Variants in FMN2 observed in about 807,000 individuals in gnomAD.
FMN2 encodes formin-2.
A neutral mutation model predicts 142.3 loss-of-function variants in FMN2; 51 were observed. The ratio of observed to expected loss-of-function variants is 0.36; its 90% CI spans 0.29 to 0.45. The LOEUF (loss-of-function observed/expected upper bound fraction) is 0.45. Ranked by LOEUF, FMN2 falls within the 20% of genes least tolerant of loss-of-function variation. FMN2 has a pLI of 1.00. For synonymous variants in FMN2, 882 were observed against 869.8 expected, an observed-to-expected ratio of 1.01 and a Z score of -0.25; for missense variants, 1,936 against 2,122.8, an observed-to-expected ratio of 0.91 and a Z score of 1.73.
At chr1:240,144,195 C>T (rs1663330367) in intron 2 of FMN2, 8 of 1,498,478 alleles carry the variant, frequency 5.3e-6, no homozygotes, top group African/African-American at 1.4e-5. Flanking sequence ...CCATTTGTTG[C>T]CATCATCGTT....
intron 4 of FMN2, among the ~76,000 whole-genome samples, chr1:240,191,403 T>C (rs1056997855): frequency 6.6e-6 from 1 of 152,248 alleles, no homozygotes; most frequent in Non-Finnish European, 1.5e-5. Context: ...AAGAACGGAC[T>C]GTAGCTACTC....
At chr1:240,250,200 C>A (rs559873683) in intron 6 of FMN2, among the ~76,000 whole-genome samples, 1 of 152,024 alleles carries the variant, frequency 6.6e-6, no homozygotes, top group Non-Finnish European at 1.5e-5. Context: ...CATCTTTTCC[C>A]CATTCAGTAT....
chr1:240,130,063 A>G (rs1299324535), intron 2 of FMN2, among the ~76,000 whole-genome samples: 2 of 152,114 alleles, frequency 1.3e-5, no homozygotes, highest in African/African-American at 4.8e-5. Flanking sequence ...GCCTTCATTT[A>G]GTCTGAGCCC....
At chr1:240,154,125 A>AG (rs1663910319) in intron 2 of FMN2, among the ~76,000 whole-genome samples, 1 of 149,148 alleles carries the variant, frequency 6.7e-6, no homozygotes. Flanking sequence ...AAAAAAAAAA[A>AG]AAAAAAGTGT....
chr1:240,457,236 T>C (rs1169113667), intron 16 of FMN2, among the ~76,000 whole-genome samples: 1 of 152,210 alleles, frequency 6.6e-6, no homozygotes, highest in Non-Finnish European at 1.5e-5. Context: ...CTCTAAGGAA[T>C]GGATATCCTG....
At chr1:240,406,013 G>T (rs1161005707) in intron 15 of FMN2, among the ~76,000 whole-genome samples, 4 of 147,448 alleles carry the variant, frequency 2.7e-5, no homozygotes, top group Non-Finnish European at 3.0e-5. Context: ...CCTCAGGAGT[G>T]GGGGAAGCGA....
rs533107747 is a variant in FMN2 at position 240,445,100 on chromosome 1, A to G, written c.5060+6890A>G. Among the ~76,000 whole-genome samples the G allele has an allele frequency of 6.1e-4, 93 of 152,340 alleles. 2 individuals carry two copies. In the South Asian group the frequency reaches 0.017, roughly 27 times the overall value. Reference sequence around the variant, plus strand: ...CAAAGGTTTGGCAGAAGAGTCGACAAACAGGACAGTCAAAATAGTGGCCAA... The same window carrying G: ...CAAAGGTTTGGCAGAAGAGTCGACAGACAGGACAGTCAAAATAGTGGCCAA... On this transcript the variant is annotated intron_variant, in intron 16 of 17. Coordinates refer to ENST00000319653, the MANE Select transcript of FMN2 (RefSeq NM_020066.5).
intron 14 of FMN2, among the ~76,000 whole-genome samples, chr1:240,389,717 C>G (rs796812396): frequency 2.6e-5 from 4 of 152,138 alleles, no homozygotes; most frequent in Non-Finnish European, 4.4e-5. Context: ...TTTGAGAGAC[C>G]GAGACGGAAG....
At chr1:240,214,458 G>A (rs1186445566) in intron 6 of FMN2, among the ~76,000 whole-genome samples, 4 of 151,454 alleles carry the variant, frequency 2.6e-5, no homozygotes, top group African/African-American at 9.7e-5. Context: ...GGCTGAGGCA[G>A]GAGAATGGCG....
chr1:240,102,411 A>G (rs1426564300), intron 1 of FMN2, among the ~76,000 whole-genome samples: 1 of 152,188 alleles, frequency 6.6e-6, no homozygotes, highest in African/African-American at 2.4e-5. Flanking sequence ...TAATAAAAGA[A>G]ATGAGGTAAC....
chr1:240,200,839 A>C (rs972399587), intron 4 of FMN2, among the ~76,000 whole-genome samples: 21 of 152,110 alleles, frequency 1.4e-4, no homozygotes, highest in Admixed American at 7.9e-4. Context: ...CTGTACAAAA[A>C]AGTTCTGTTT....
chr1:240,336,581 A>AG (rs1671566992), intron 13 of FMN2, among the ~76,000 whole-genome samples: 3 of 137,136 alleles, frequency 2.2e-5, no homozygotes, highest in Admixed American at 7.1e-5. Context: ...AAAAAAAAAA[A>AG]AGGTGGTTGC....
intron 6 of FMN2, among the ~76,000 whole-genome samples, chr1:240,248,883 T>G (rs1398422296): frequency 6.6e-6 from 1 of 152,110 alleles, no homozygotes; most frequent in East Asian, 1.9e-4. Flanking sequence ...AAATGTCTAC[T>G]CATATCCTCC....
chr1:240,140,431 T>G (rs59665699), intron 2 of FMN2, among the ~76,000 whole-genome samples: 2,047 of 152,268 alleles, frequency 0.013, 49 homozygotes, highest in African/African-American at 0.047. Flanking sequence ...ACACAAAACC[T>G]TCAACTGCAT....
chr1:240,437,919 T>A (rs1675456787), intron 15 of FMN2, 142 bp from the exon 16 acceptor site: 9 of 980,812 alleles, frequency 9.2e-6, no homozygotes, highest in Non-Finnish European at 1.4e-5. Flanking sequence ...ATAAGAGAGC[T>A]ACTGTTGGTG....
intron 2 of FMN2, among the ~76,000 whole-genome samples, chr1:240,146,213 C>A (rs1663464442): frequency 7.5e-6 from 1 of 134,222 alleles, no homozygotes; most frequent in Non-Finnish European, 1.6e-5. Context: ...GAAACCCCGT[C>A]TCTACTAAAA....
chr1:240,268,410 C>T (rs1057234920), intron 7 of FMN2, among the ~76,000 whole-genome samples: 1 of 151,988 alleles, frequency 6.6e-6, no homozygotes, highest in Non-Finnish European at 1.5e-5. Flanking sequence ...GTTTTATCTG[C>T]AAGGAGGACA....
rs12071494 is a variant in FMN2, at chr1:240,143,154, T to C, written c.1782+19809T>C. 0.014 allele frequency: 21,479 copies of C among 1,576,076 alleles called. 1,926 individuals are homozygous for C. The African/African-American group carries it at 0.22, about 16-fold the overall frequency. ...GTCCTTGGCATGATATTGAGCTAACTGGCGCAACATTGCAGCCAGACGGGC... is the reference window on the plus strand; with the variant it reads ...GTCCTTGGCATGATATTGAGCTAACCGGCGCAACATTGCAGCCAGACGGGC... On this transcript the variant is annotated intron_variant, in intron 2 of 17. Transcript: ENST00000319653.
intron 16 of FMN2, among the ~76,000 whole-genome samples, chr1:240,441,961 G>T (rs1339141822): frequency 6.6e-6 from 1 of 152,128 alleles, no homozygotes; most frequent in Non-Finnish European, 1.5e-5. Flanking sequence ...GAGAGAGAGA[G>T]AAATTTTATT....
Sources: gnomAD v4.1 joint callset for allele counts (sites outside exome capture counted in the v4.1 genomes callset) on GRCh38, gnomAD v4.1.1 for gene constraint, MANE v1.5 for transcripts, NCBI Gene and HGNC (gene_info 2026-07-23, HGNC 2026-07-21) for gene names.